Variants in TANK observed in about 807,000 individuals in gnomAD.
The protein encoded by TANK is TRAF family member associated NFKB activator, also known as TRAF family member-associated NF-kappa-B activator.
In TANK, 15 loss-of-function variants were observed where a neutral mutation model predicts 43.6. That is an observed-to-expected ratio of 0.34 (90% CI 0.23 to 0.53). The LOEUF is 0.53. Among genes scored for constraint, TANK ranks in the 20% least tolerant of loss-of-function variants. The pLI is 0.94. For synonymous variants in TANK, 162 were observed against 178.2 expected, an observed-to-expected ratio of 0.91 and a Z score of 0.73; for missense variants, 417 against 498.6, an observed-to-expected ratio of 0.84 and a Z score of 1.56.
rs2228521 is a variant in TANK, at chr2:161,204,685, T to C, written c.219T>C (p.Tyr73=). Residue 73 remains tyrosine (Y), a synonymous_variant, in exon 4 of 8, where the codon TAT becomes TAC. Transcript: ENST00000392749. The part of the protein sequence containing the change: ...LLVNSTQDNN[Y]GCVPLLEDSE... The stretch of plus-strand genomic sequence containing the variant: ...GTTTTTGTCTTGCAGATAACAATTA[T>C]GGCTGTGTTCCTCTGCTTGAAGACA... 1.7e-4 allele frequency: 279 copies of C among 1,609,436 alleles called. 1 individual carries two copies. In the African/African-American group the frequency reaches 2.8e-3, roughly 16 times the overall value.
upstream of TANK, among the ~76,000 whole-genome samples, chr2:161,157,546 A>C: frequency 6.6e-6 from 1 of 152,236 alleles, no homozygotes; most frequent in East Asian, 1.9e-4. Flanking sequence ...TTCCATTAAT[A>C]GTGATATTGC....
intron 1 of TANK, among the ~76,000 whole-genome samples, chr2:161,171,462 A>C (rs1684934873): frequency 6.6e-6 from 1 of 152,160 alleles, no homozygotes; most frequent in South Asian, 2.1e-4. Context: ...CAGCCTATGG[A>C]TGTCCTCAGG....
intron 4 of TANK, chr2:161,212,129 C>T (rs1032652349): frequency 1.7e-4 from 70 of 402,998 alleles, no homozygotes; most frequent in African/African-American, 3.6e-4. Flanking sequence ...GACACCATCT[C>T]GGCTCACTGC....
upstream of TANK, among the ~76,000 whole-genome samples, chr2:161,156,700 T>C (rs768174578): frequency 1.4e-4 from 22 of 152,192 alleles, no homozygotes; most frequent in Non-Finnish European, 3.2e-4. Flanking sequence ...CTGGAAGACA[T>C]ATAGACATGC....
At position 161,150,608 on chromosome 2, in the gene TANK, TTC is replaced by T. The variant is rs78206355; in HGVS notation, c.-50+13547_-50+13548del. ...CTTCTTCTTTTTTTTTTTTTTTTTTTTCTTTTGAGATGGAGTCTTACTCTGTC... is the reference window on the plus strand; with the variant it reads ...CTTCTTCTTTTTTTTTTTTTTTTTTTTTTTGAGATGGAGTCTTACTCTGTC... On this transcript the variant is annotated intron_variant, in intron 1 of 7. Coordinates refer to the TANK transcript ENST00000259075. Among the ~76,000 whole-genome samples, 191 of 135,172 alleles carry T rather than the reference TTC, an allele frequency of 1.4e-3. 1 individual carries two copies. Among genetic ancestry groups the T allele is most frequent in the Non-Finnish European group, 1.8e-3 (114 of 63,142 alleles). 88.7% of individuals were successfully genotyped at this position (135,172 alleles called of 152,430 possible).
chr2:161,201,250 T>C, intron 2 of TANK: 1 of 964,046 alleles, frequency 1.0e-6, no homozygotes, highest in Non-Finnish European at 1.2e-6. Flanking sequence ...TAGCCATTGA[T>C]CCATTAATTT....
chr2:161,158,753 A>G (rs1164589650), upstream of TANK, among the ~76,000 whole-genome samples: 2 of 152,248 alleles, frequency 1.3e-5, no homozygotes, highest in African/African-American at 4.8e-5. Context: ...TATTGTCAAG[A>G]GAGTAAAAAG....
chr2:161,181,204 T>C (rs1207798236), intron 2 of TANK, among the ~76,000 whole-genome samples: 1 of 152,160 alleles, frequency 6.6e-6, no homozygotes, highest in Non-Finnish European at 1.5e-5. Flanking sequence ...GTGGATCACC[T>C]GAGATCAGGG....
Position 161,231,272 on chromosome 2 carries a change from A to G in TANK, c.822A>G (p.Arg274=). Residue 274 remains arginine, a synonymous_variant, in exon 7 of 8, where the codon AGA becomes AGG. Coordinates refer to ENST00000392749, the MANE Select transcript of TANK (RefSeq NM_001199135.3). ...VCQEKFNMEF[R]DNPGNFVKTE... is the part of the protein sequence containing the mutation. Reference sequence around the variant, plus strand: ...AAGAGAAATTTAATATGGAGTTCAGAGACAACCCAGGGAACTTTGTTAAAA... The same window carrying G: ...AAGAGAAATTTAATATGGAGTTCAGGGACAACCCAGGGAACTTTGTTAAAA... The G allele has an allele frequency of 6.2e-7, 1 of 1,614,086 alleles. No homozygotes were observed. Among genetic ancestry groups the G allele is most frequent in the Non-Finnish European group, 8.5e-7 (1 of 1,180,012 alleles).
intron 1 of TANK, among the ~76,000 whole-genome samples, chr2:161,169,267 G>A (rs769240303): frequency 4.6e-5 from 7 of 152,192 alleles, no homozygotes; most frequent in East Asian, 1.9e-4. Flanking sequence ...AATACCTGAC[G>A]TGTCTGAATA....
chr2:161,234,909 G>A (rs548398272), intron 7 of TANK, among the ~76,000 whole-genome samples: 4 of 152,256 alleles, frequency 2.6e-5, no homozygotes, highest in East Asian at 3.9e-4. Flanking sequence ...TGATTAAGAC[G>A]CAATGCACAC....
Position 161,179,669 on chromosome 2 carries a change from A to G in TANK, c.7A>G (p.Lys3Glu), listed in dbSNP as rs1313854951. 6.2e-7 allele frequency: 1 copy of G among 1,613,264 alleles called. No individual in the cohort carries two copies. The highest frequency in any genetic ancestry group is 8.5e-7 in the Non-Finnish European group (1 of 1,179,542). MD[K>E]NIGEQLNKAY... ...TGCTACAGGACGAAGAGGAATGGAT[A>G]AAAACATTGGCGAGCAACTCAATAA... Residue 3 changes from lysine (K) to glutamate (E), a missense_variant, in exon 2 of 8, where the codon AAA becomes GAA. Coordinates refer to ENST00000392749, the MANE Select transcript of TANK (RefSeq NM_001199135.3).
At chr2:161,161,441 T>C (rs889140072) in intron 1 of TANK, 6 of 1,550,236 alleles carry the variant, frequency 3.9e-6, no homozygotes, top group Non-Finnish European at 1.7e-6. Context: ...GTGCATTCTG[T>C]TAAAAATTAT....
At chr2:161,200,395 A>C (rs1391502855) in intron 2 of TANK, 1 of 984,234 alleles carries the variant, frequency 1.0e-6, no homozygotes, top group African/African-American at 1.7e-5. Context: ...TTCTGTGAAC[A>C]AAAGCATTTA....
At chr2:161,223,223 T>C (rs1320390499) in intron 4 of TANK, 6 of 152,098 alleles carry the variant, frequency 3.9e-5, no homozygotes, top group African/African-American at 1.2e-4. Flanking sequence ...TTTCTAGGTA[T>C]GATGTAAAAT....
chr2:161,148,432 TA>T (rs1683977848), intron 1 of TANK, among the ~76,000 whole-genome samples: 1 of 152,214 alleles, frequency 6.6e-6, no homozygotes, highest in South Asian at 2.1e-4. Flanking sequence ...TCTAGCCCCT[TA>T]TCAGATATGT....
At chr2:161,215,573 G>GT (rs1396935730) in intron 4 of TANK, among the ~76,000 whole-genome samples, 3 of 151,990 alleles carry the variant, frequency 2.0e-5, no homozygotes, top group South Asian at 2.1e-4. Flanking sequence ...TAGGTACTCT[G>GT]TTTTTTTAAT....
At position 161,163,818 on chromosome 2, in the gene TANK, A is replaced by G. The variant is rs138924779; in HGVS notation, c.-50+3332A>G. Reference sequence around the variant, plus strand: ...GTATGTGCATGGTATGTGCACGCACATGGGGCAGTGCTGTCATCTAACAGA... The same window carrying G: ...GTATGTGCATGGTATGTGCACGCACGTGGGGCAGTGCTGTCATCTAACAGA... On this transcript the variant is annotated intron_variant, in intron 1 of 7. Transcript: ENST00000392749. 5.3e-5 allele frequency among the ~76,000 whole-genome samples: 8 copies of G among 152,362 alleles called. No individual in the cohort carries two copies. In the East Asian group the frequency reaches 1.5e-3, roughly 29 times the overall value.
intron 2 of TANK, among the ~76,000 whole-genome samples, chr2:161,189,364 A>G (rs998258051): frequency 2.6e-5 from 4 of 152,186 alleles, no homozygotes; most frequent in African/African-American, 9.6e-5. Context: ...TTTAAGAAAC[A>G]CTCAACAAAC....
Sources: gnomAD v4.1 joint callset for allele counts (sites outside exome capture counted in the v4.1 genomes callset) on GRCh38, gnomAD v4.1.1 for gene constraint, MANE v1.5 for transcripts, NCBI Gene and HGNC (gene_info 2026-07-23, HGNC 2026-07-21) for gene names.